The following ATR variants were observed in gnomAD, a reference collection of about 807,000 sequenced individuals.
ATR encodes serine/threonine-protein kinase ATR.
A neutral mutation model predicts 305.3 loss-of-function variants in ATR; 142 were observed. That is an observed-to-expected ratio of 0.47 (90% confidence interval 0.41 to 0.53). The LOEUF is 0.53. ATR is among the 20% of genes least tolerant of loss of function. The probability of loss-of-function intolerance (pLI) is 0.00; values close to 1 mark genes in which losing one functional copy is unlikely to be tolerated. For missense variants in ATR, 2,135 were observed against 3,133.1 expected (o/e 0.68, Z 7.60); for synonymous variants, 1,050 against 1,068.1 (o/e 0.98, Z 0.33).
intron 19 of ATR, among the ~76,000 whole-genome samples, chr3:142,537,746 A>G (rs1427771684): frequency 1.3e-5 from 2 of 151,708 alleles, no homozygotes; most frequent in African/African-American, 4.8e-5. Flanking sequence ...AAATCACAGA[A>G]AAAAAATTAA....
intron 16 of ATR, among the ~76,000 whole-genome samples, 190 bp downstream of exon 16, chr3:142,547,535 C>T (rs748133076): frequency 4.6e-5 from 7 of 152,104 alleles, no homozygotes; most frequent in Non-Finnish European, 5.9e-5. Context: ...AACGTGATCT[C>T]GTGTTCATGA....
At chr3:142,518,309 G>A (rs1017574998) in intron 24 of ATR, among the ~76,000 whole-genome samples, 2 of 152,176 alleles carry the variant, frequency 1.3e-5, no homozygotes, top group Non-Finnish European at 2.9e-5. Context: ...GATCACTTAA[G>A]GCCAGGAGAC....
At chr3:142,517,593 C>A (rs565729581) in intron 24 of ATR, among the ~76,000 whole-genome samples, 3 of 152,218 alleles carry the variant, frequency 2.0e-5, no homozygotes, top group African/African-American at 7.2e-5. Context: ...ATAAGCAGAT[C>A]CCAACTAGGT....
intron 16 of ATR, among the ~76,000 whole-genome samples, chr3:142,545,810 A>T (rs1008421731): frequency 5.3e-5 from 8 of 152,186 alleles, no homozygotes; most frequent in African/African-American, 1.7e-4. Flanking sequence ...GGGCTCACGA[A>T]TGCTTCTCAG....
intron 45 of ATR, among the ~76,000 whole-genome samples, chr3:142,456,399 CTCTACTAAAAATGCAAGAA>C (rs1453088014): frequency 6.6e-6 from 1 of 152,090 alleles, no homozygotes; most frequent in Non-Finnish European, 1.5e-5. Context: ...AAAACCCAAT[CTCTACTAAAAATGCAAGAA>C]TCAGCCAGAC....
chr3:142,548,669 C>CAAA (rs1185146027), intron 15 of ATR, among the ~76,000 whole-genome samples: 1 of 76,014 alleles, frequency 1.3e-5, no homozygotes, highest in Admixed American at 1.5e-4. Context: ...ACTCCCATCA[C>CAAA]AAAAAAAAAA....
chr3:142,561,802 T>C (rs984136993), intron 4 of ATR, among the ~76,000 whole-genome samples: 3 of 152,180 alleles, frequency 2.0e-5, no homozygotes, highest in African/African-American at 7.2e-5. Context: ...TTTATTGTAT[T>C]ACCTGACTCC....
intron 16 of ATR, among the ~76,000 whole-genome samples, chr3:142,542,965 A>G (rs916029121): frequency 6.6e-6 from 1 of 152,236 alleles, no homozygotes; most frequent in African/African-American, 2.4e-5. Flanking sequence ...GGAATGATTT[A>G]TAGTCACCAC....
intron 16 of ATR, among the ~76,000 whole-genome samples, chr3:142,544,511 CT>C (rs957563004): frequency 8.0e-6 from 1 of 124,880 alleles, no homozygotes; most frequent in Non-Finnish European, 1.7e-5. Context: ...TAGTATATAG[CT>C]AAGTATTAAA....
intron 36 of ATR, among the ~76,000 whole-genome samples, chr3:142,477,307 G>A (rs1007992066): frequency 6.6e-6 from 1 of 152,184 alleles, no homozygotes; most frequent in Non-Finnish European, 1.5e-5. Flanking sequence ...ATGAAGGGCT[G>A]TTGAATTTTG....
At chr3:142,481,195 G>A (rs562397348) in intron 36 of ATR, among the ~76,000 whole-genome samples, 3 of 152,346 alleles carry the variant, frequency 2.0e-5, no homozygotes, top group South Asian at 4.1e-4. Flanking sequence ...GGGAGCTGTA[G>A]ACTGGAGCTG....
At chr3:142,461,742 G>C (rs949306804) in intron 42 of ATR, among the ~76,000 whole-genome samples, 198 bp downstream of exon 42, 3 of 152,044 alleles carry the variant, frequency 2.0e-5, no homozygotes, top group Non-Finnish European at 4.4e-5. Flanking sequence ...GACAGGGAAG[G>C]AATCAAAATG....
In ATR at chr3:142,568,075, CT is replaced by C. The variant is rs755536244; in HGVS notation, c.138del (p.Asp47MetfsTer2). On this transcript the variant is annotated frameshift_variant, in exon 2 of 47. Coordinates refer to ENST00000350721, the MANE Select transcript of ATR (RefSeq NM_001184.4). LOFTEE classifies it high-confidence loss of function. ...ATTGGTTTCTTACCAACATTTACATCTGTAAGTATCCGGTCAATGAATTGAC... is the reference window on the plus strand; with the variant it reads ...ATTGGTTTCTTACCAACATTTACATCGTAAGTATCCGGTCAATGAATTGAC... ...ILCQFIDRIL[T>X]DVNVVAVELV... The C allele has an allele frequency of 1.9e-6, 3 of 1,607,684 alleles. No homozygotes were observed. Among genetic ancestry groups the C allele is most frequent in the Non-Finnish European group, 2.6e-6 (3 of 1,175,740 alleles).
chr3:142,571,438 C>G (rs2108502236), intron 1 of ATR, among the ~76,000 whole-genome samples: 1 of 151,304 alleles, frequency 6.6e-6, no homozygotes, highest in South Asian at 2.1e-4. Context: ...TGTACTCCAG[C>G]CTGGGCGACA....
Position 142,561,369 on chromosome 3 carries a change from A to C in ATR, c.1223T>G (p.Ile408Ser), listed in dbSNP as rs370058763. Residue 408 changes from isoleucine to serine, a missense_variant, in exon 5 of 47, where the codon ATT (isoleucine) becomes AGT (serine). Transcript: ENST00000350721. ...TTGAGTTTGGCATTGAATCTCCTCA[A>C]TGATTTCCATACTTTCCATTTTCAA... Reference protein sequence around the residue: ...AALKMESMEIIEEIQCQTQQE... With the variant: ...AALKMESMEISEEIQCQTQQE... 3 of 1,613,994 alleles carry C rather than the reference A, an allele frequency of 1.9e-6. No individual in the cohort carries two copies. In the African/African-American group the frequency reaches 4.0e-5, roughly 22 times the overall value.
At chr3:142,474,736 T>G (rs71304140) in intron 36 of ATR, among the ~76,000 whole-genome samples, 1 of 152,194 alleles carries the variant, frequency 6.6e-6, no homozygotes, top group Admixed American at 6.5e-5. Context: ...CTTCTCGAAT[T>G]GCTATGGCTA....
At chr3:142,530,360 A>G (rs535256507) in intron 21 of ATR, among the ~76,000 whole-genome samples, 5 of 152,196 alleles carry the variant, frequency 3.3e-5, no homozygotes, top group Non-Finnish European at 7.3e-5. Flanking sequence ...TTAAAGTTAT[A>G]CTGCTAAGTT....
Position 142,535,164 on chromosome 3 carries a change from G to T in ATR, c.3861C>A (p.Leu1287=), listed in dbSNP as rs769467180. 2.5e-6 allele frequency: 4 copies of T among 1,613,174 alleles called. No homozygotes were observed. In the East Asian group the frequency reaches 6.7e-5, roughly 27 times the overall value. The part of the protein sequence containing the change: ...ESTDLQTTLQ[L]SMKAIQHENV... ...TTTCATGTTGAATGGCCTTCATAGA[G>T]AGCTGAAGAGTTGTCTGAAGATCAG... Residue 1287 remains leucine, a synonymous_variant, in exon 21 of 47, where the codon CTC becomes CTA. Transcript: ENST00000350721.
chr3:142,563,875 G>A (rs60001529), intron 3 of ATR, among the ~76,000 whole-genome samples: 20,448 of 152,222 alleles, frequency 0.13, 1,434 homozygotes, highest in Non-Finnish European at 0.16. Context: ...CCATTGATGA[G>A]AAAGTGAAAC....
Sources: gnomAD v4.1 joint callset for allele counts (sites outside exome capture counted in the v4.1 genomes callset) on GRCh38, gnomAD v4.1.1 for gene constraint, MANE v1.5 for transcripts, NCBI Gene and HGNC (gene_info 2026-07-23, HGNC 2026-07-21) for gene names.